Variants in ARHGAP23 observed in about 807,000 individuals in gnomAD.
The protein encoded by ARHGAP23 is rho GTPase-activating protein 23.
ARHGAP23 carries 34 observed loss-of-function variants against 136.3 expected under a neutral mutation model. That is an observed-to-expected ratio of 0.25 (90% confidence interval 0.19 to 0.33). ARHGAP23 has a LOEUF of 0.33. ARHGAP23 is among the 10% of genes least tolerant of loss of function. The pLI is 1.00. For synonymous variants in ARHGAP23, 832 were observed against 920.5 expected (o/e 0.90, Z 1.74); for missense variants, 1,808 against 2,139.0 (o/e 0.85, Z 3.05).
intron 1 of ARHGAP23, among the ~76,000 whole-genome samples, chr17:38,432,492 C>A (rs1005633107): frequency 6.6e-6 from 1 of 152,094 alleles, no homozygotes; most frequent in African/African-American, 2.4e-5. Flanking sequence ...CCAGCCTGGC[C>A]AACATGGTGA....
At chr17:38,457,796 G>T in intron 1 of ARHGAP23, 1 of 500,976 alleles carries the variant, frequency 2.0e-6, no homozygotes, top group East Asian at 3.7e-5. Flanking sequence ...GGTGCTCAGT[G>T]AACATTTGCT....
intron 20 of ARHGAP23, among the ~76,000 whole-genome samples, chr17:38,494,521 G>A (rs150796751): frequency 0.063 from 9,532 of 152,050 alleles, 449 homozygotes; most frequent in South Asian, 0.16. Context: ...CCGAGATTGC[G>A]AAACTGCACT....
chr17:38,442,211 T>C (rs2038936516), intron 1 of ARHGAP23, among the ~76,000 whole-genome samples: 1 of 152,192 alleles, frequency 6.6e-6, no homozygotes, highest in African/African-American at 2.4e-5. Context: ...CTCCTGCCTC[T>C]GTCTCCCCAA....
chr17:38,442,957 G>A lies in ARHGAP23; in HGVS notation c.63+14409G>A, dbSNP rs112732956. On this transcript the variant is annotated intron_variant, in intron 1 of 23. Coordinates refer to ENST00000622683, the MANE Select transcript of ARHGAP23 (RefSeq NM_001199417.2). ...TAGGAAGCAGAGTCTACTCCGATGGGGGGATGGAGCGCTGGGGCCATAATA... is the reference window on the plus strand; with the variant it reads ...TAGGAAGCAGAGTCTACTCCGATGGAGGGATGGAGCGCTGGGGCCATAATA... Among the ~76,000 whole-genome samples, 866 of 152,296 alleles carry A rather than the reference G, an allele frequency of 5.7e-3. 10 individuals carry two copies. Among genetic ancestry groups the A allele is most frequent in the African/African-American group, 0.02 (827 of 41,556 alleles).
intron 16 of ARHGAP23, among the ~76,000 whole-genome samples, chr17:38,484,349 G>A (rs1240036781): frequency 6.6e-6 from 1 of 152,106 alleles, no homozygotes; most frequent in Non-Finnish European, 1.5e-5. Context: ...GGGAGGGGCC[G>A]TCTCAGGGAG....
chr17:38,456,438 A>G (rs979938321), intron 1 of ARHGAP23, among the ~76,000 whole-genome samples: 2 of 152,130 alleles, frequency 1.3e-5, no homozygotes, highest in Non-Finnish European at 2.9e-5. Flanking sequence ...TCCAGAACTG[A>G]TGAGCTTCTT....
At chr17:38,479,971 C>T in intron 14 of ARHGAP23, 88 bp downstream of exon 14, 2 of 1,507,100 alleles carry the variant, frequency 1.3e-6, no homozygotes, top group African/African-American at 1.4e-5. Context: ...TGGGCTGTGT[C>T]TGCTCATGTG....
rs560176640 is a variant in ARHGAP23 at position 38,469,184 on chromosome 17, C to T, written c.1689C>T (p.His563=). The T allele has an allele frequency of 5.8e-6, 9 of 1,551,588 alleles. No homozygotes were observed. The highest frequency in any genetic ancestry group is 4.1e-5 in the African/African-American group (3 of 73,166). The change falls in exon 8 of 24, where the codon CAC becomes CAT. Residue 563 remains histidine (H), a synonymous_variant. Transcript: ENST00000622683. ...CCAGCATTGACCTCCAAGCCAAGCA[C>T]GTCCCTGCCTCTGCTGTGGTCTCCA... ...TSPSIDLQAK[H]VPASAVVSSA... is the part of the protein sequence containing the mutation.
At chr17:38,508,912 T>C (rs773250470) in intron 23 of ARHGAP23, among the ~76,000 whole-genome samples, 21 of 151,686 alleles carry the variant, frequency 1.4e-4, no homozygotes, top group Admixed American at 7.9e-4. Flanking sequence ...AGTGTGGTGT[T>C]GGACAGGGAG....
chr17:38,498,400 C>A lies in ARHGAP23; in HGVS notation c.3319-14C>A, dbSNP rs757824751. 9.1e-6 allele frequency: 14 copies of A among 1,541,802 alleles called. No homozygotes were observed. The East Asian group carries it at 3.0e-4, about 33-fold the overall frequency. On this transcript the variant is annotated splice_polypyrimidine_tract_variant and intron_variant, in intron 21 of 23. Coordinates refer to ENST00000622683, the MANE Select transcript of ARHGAP23 (RefSeq NM_001199417.2). ...TCTGAGGGCATGCCAGCTGACCCCT[C>A]CTCCTGTTCGCAGACCCCTGTGGGC...
At chr17:38,478,236 G>A (rs1437298078) in intron 12 of ARHGAP23, among the ~76,000 whole-genome samples, 1 of 152,174 alleles carries the variant, frequency 6.6e-6, no homozygotes, top group Non-Finnish European at 1.5e-5. Context: ...AGCAGGCGAG[G>A]AAGGCAGGGG....
At chr17:38,485,752 CTG>C (rs1012738421) in intron 16 of ARHGAP23, among the ~76,000 whole-genome samples, 10 of 152,200 alleles carry the variant, frequency 6.6e-5, no homozygotes, top group Admixed American at 5.9e-4. Flanking sequence ...GATGCTTAAA[CTG>C]TGCCCAGTGG....
intron 23 of ARHGAP23, among the ~76,000 whole-genome samples, chr17:38,509,004 G>C (rs562137927): frequency 1.0e-5 from 1 of 98,618 alleles, no homozygotes; most frequent in East Asian, 3.2e-4. Context: ...AACAGTCCTG[G>C]GAACACTGAG....
chr17:38,491,318 A>G (rs1238460951), intron 19 of ARHGAP23, 89 bp from the exon 20 acceptor site: 10 of 1,513,992 alleles, frequency 6.6e-6, no homozygotes, highest in African/African-American at 1.4e-5. Context: ...ACTGGTGAGG[A>G]TGTAGTTGGG....
chr17:38,474,848 G>A (rs1597808922), intron 11 of ARHGAP23, among the ~76,000 whole-genome samples: 2 of 152,196 alleles, frequency 1.3e-5, no homozygotes, highest in East Asian at 3.9e-4. Context: ...GGAGGGACCA[G>A]CCATGTGCAC....
At chr17:38,488,100 G>T (rs1025046562) in intron 17 of ARHGAP23, among the ~76,000 whole-genome samples, 2 of 152,072 alleles carry the variant, frequency 1.3e-5, no homozygotes, top group Admixed American at 1.3e-4. Flanking sequence ...TAGAGGCAGG[G>T]TCTCACTACA....
intron 1 of ARHGAP23, among the ~76,000 whole-genome samples, chr17:38,421,271 G>A (rs918120180): frequency 6.6e-6 from 1 of 152,222 alleles, no homozygotes; most frequent in African/African-American, 2.4e-5. Flanking sequence ...GCTATGCCAA[G>A]TGGTGGCTTC....
intron 2 of ARHGAP23, among the ~76,000 whole-genome samples, 170 bp from the exon 3 acceptor site, chr17:38,460,735 C>T (rs1372762152): frequency 6.6e-6 from 1 of 152,130 alleles, no homozygotes; most frequent in Non-Finnish European, 1.5e-5. Flanking sequence ...GGAACTTGGC[C>T]TCGGACTTGG....
intron 1 of ARHGAP23, among the ~76,000 whole-genome samples, chr17:38,457,212 G>A (rs907591666): frequency 1.3e-5 from 2 of 152,288 alleles, no homozygotes; most frequent in Non-Finnish European, 2.9e-5. Flanking sequence ...GTCTCCACCC[G>A]CCTTGGCCTC....
Sources: allele counts gnomAD v4.1 joint callset (sites outside exome capture counted in the v4.1 genomes callset), GRCh38; gene constraint gnomAD v4.1.1; transcripts MANE v1.5; gene names NCBI Gene and HGNC (gene_info 2026-07-23, HGNC 2026-07-21).